The following PHRF1 variants were observed in gnomAD, a reference collection of about 807,000 sequenced individuals.
PHRF1 encodes PHD and RING finger domain-containing protein 1.
In PHRF1, 53 loss-of-function variants were observed where a neutral mutation model predicts 128.9. That is an observed-to-expected ratio of 0.41 (90% CI 0.33 to 0.52). The LOEUF is 0.52. Among genes scored for constraint, PHRF1 ranks in the 20% least tolerant of loss-of-function variants. The probability of loss-of-function intolerance (pLI) is 0.21; values close to 1 mark genes in which losing one functional copy is unlikely to be tolerated. For synonymous variants in PHRF1, 1,178 were observed against 980.6 expected, an observed-to-expected ratio of 1.20 and a Z score of -3.76; for missense variants, 2,503 against 2,284.5, an observed-to-expected ratio of 1.10 and a Z score of -1.95.
At position 607,373 on chromosome 11, in the gene PHRF1, C is replaced by G. The variant is rs200203047; in HGVS notation, c.1917C>G (p.Thr639=). ...GGTTCAACGGCACCAACAAGCACAC[C>G]TTGCCCCTTGCCTCTGCCGCGTCTA... is the stretch of plus-strand genomic sequence containing the variant. ...SPWFNGTNKH[T]LPLASAASKI... is the part of the protein sequence containing the mutation. The change falls in exon 14 of 18, where the codon ACC becomes ACG. Residue 639 remains threonine, a synonymous_variant. Coordinates refer to ENST00000264555, the MANE Select transcript of PHRF1 (RefSeq NM_001286581.2). The G allele has an allele frequency of 2.2e-5, 36 of 1,612,832 alleles. No individual in the cohort carries two copies. The East Asian group carries it at 7.6e-4, about 34-fold the overall frequency.
intron 11 of PHRF1, 112 bp from the exon 12 acceptor site, chr11:605,493 G>C: frequency 6.6e-7 from 1 of 1,519,296 alleles, no homozygotes; most frequent in Non-Finnish European, 8.9e-7. Context: ...CGAATCACAC[G>C]TGCCGCCACA....
intron 4 of PHRF1, among the ~76,000 whole-genome samples, chr11:588,560 G>T (rs1043709270): frequency 6.6e-6 from 1 of 151,826 alleles, no homozygotes; most frequent in Non-Finnish European, 1.5e-5. Context: ...TGTATTTTTA[G>T]TAGAGACAGG....
rs774792570 is a variant in PHRF1 at position 607,826 on chromosome 11, G to A, written c.2370G>A (p.Gln790=). 2.5e-6 allele frequency: 4 copies of A among 1,612,688 alleles called. No individual in the cohort carries two copies. Among genetic ancestry groups the A allele is most frequent in the Non-Finnish European group, 2.5e-6 (3 of 1,179,896 alleles). The change falls in exon 14 of 18, where the codon CAG becomes CAA. Residue 790 remains glutamine (Q), a synonymous_variant. Transcript: ENST00000264555. ...CTGGAAACATGGCACATTCCAGCCA[G>A]CTCTCCAGCCCTGGCTTCTGTAACA... ...NIPGNMAHSS[Q]LSSPGFCNTF...
rs1856067104 is a variant in PHRF1, at chr11:608,075, G to C, written c.2619G>C (p.Val873=). 1 of 1,611,550 alleles carries C rather than the reference G, an allele frequency of 6.2e-7. No individual in the cohort carries two copies. The highest frequency in any genetic ancestry group is 2.2e-5 in the East Asian group (1 of 44,874). The change falls in exon 14 of 18, where the codon GTG becomes GTC. Residue 873 remains valine (V), a synonymous_variant. Coordinates refer to ENST00000264555, the MANE Select transcript of PHRF1 (RefSeq NM_001286581.2). The stretch of plus-strand genomic sequence containing the variant: ...TCAACAGCCCGAAGGCCCAGACGGT[G>C]CAGGCTGTGCGCTGCGTCACCTCCT... ...ISINSPKAQT[V]QAVRCVTSYT...
Position 609,423 on chromosome 11 carries a change from G to T in PHRF1, c.3967G>T (p.Val1323Leu). The T allele has an allele frequency of 1.2e-6, 2 of 1,609,274 alleles. No individual in the cohort carries two copies. Among genetic ancestry groups the T allele is most frequent in the Non-Finnish European group, 1.7e-6 (2 of 1,179,818 alleles). The change falls in exon 14 of 18, where the codon GTG becomes TTG. Residue 1323 changes from valine (V) to leucine (L), a missense_variant. Val to Leu is a conservative substitution (Grantham distance 32, BLOSUM62 1). Transcript: ENST00000264555. ...GGCCGTGGCCGCCATCCAGAGGGAG[G>T]TGTCATTGATGCACGATGAAGACCC... ...SLAVAAIQRE[V>L]SLMHDEDPSQ... is the part of the protein sequence containing the mutation.
rs1856314892 is a variant in PHRF1 at position 610,639 on chromosome 11, G to A, written c.4555G>A (p.Ala1519Thr). The A allele has an allele frequency of 6.2e-7, 1 of 1,604,926 alleles. No homozygotes were observed. Among genetic ancestry groups the A allele is most frequent in the Non-Finnish European group, 8.5e-7 (1 of 1,179,818 alleles). Reference protein sequence around the residue: ...LVGCGAAQTLAPVPAALTPAS... With the variant: ...LVGCGAAQTLTPVPAALTPAS... ...GGGCTGTGGGGCAGCACAGACCCTGGCCCCAGTGCCCGCTGCCCTGACCCC... is the reference window on the plus strand; with the variant it reads ...GGGCTGTGGGGCAGCACAGACCCTGACCCCAGTGCCCGCTGCCCTGACCCC... The change falls in exon 16 of 18, where the codon GCC becomes ACC. Residue 1519 changes from alanine (A) to threonine (T), a missense_variant. By Grantham distance (58) the Ala-to-Thr change is moderately conservative (BLOSUM62 0). Transcript: ENST00000264555.
Position 586,611 on chromosome 11 carries a change from A to G in PHRF1, c.215-648A>G, listed in dbSNP as rs144980548. Among the ~76,000 whole-genome samples the G allele has an allele frequency of 3.4e-3, 525 of 152,312 alleles. 2 individuals are homozygous for G. Among genetic ancestry groups the G allele is most frequent in the African/African-American group, 0.012 (502 of 41,560 alleles). On this transcript the variant is annotated intron_variant, in intron 3 of 17. Coordinates refer to ENST00000264555, the MANE Select transcript of PHRF1 (RefSeq NM_001286581.2). The stretch of plus-strand genomic sequence containing the variant: ...CGTTGTTTCATTGGAGTTTGGTACA[A>G]AGAAGATAGCAGTGCACGTATGGGC...
At chr11:581,066 C>T (rs1199651959) in intron 1 of PHRF1, among the ~76,000 whole-genome samples, 1 of 152,080 alleles carries the variant, frequency 6.6e-6, no homozygotes, top group Non-Finnish European at 1.5e-5. Flanking sequence ...TCAGGTGATC[C>T]GCCCGCCTCA....
At chr11:587,189 C>T in intron 3 of PHRF1, 70 bp from the exon 4 acceptor site, 1 of 1,487,884 alleles carries the variant, frequency 6.7e-7, no homozygotes, top group African/African-American at 1.4e-5. Flanking sequence ...CAGCCTGGGC[C>T]CGCTTGCCTC....
At chr11:579,238 C>G (rs540381813) in intron 1 of PHRF1, among the ~76,000 whole-genome samples, 1 of 150,850 alleles carries the variant, frequency 6.6e-6, no homozygotes, top group African/African-American at 2.5e-5. Context: ...CCCTGCTCCT[C>G]CCCCCAGCCC....
chr11:598,320 T>C, intron 8 of PHRF1, 53 bp from the exon 9 acceptor site: 1 of 1,584,662 alleles, frequency 6.3e-7, no homozygotes, highest in Non-Finnish European at 8.5e-7. Flanking sequence ...GGGTCTGTGC[T>C]GGACCGGCTG....
intron 6 of PHRF1, 21 bp downstream of exon 6, chr11:592,695 G>A (rs371082411): frequency 8.2e-5 from 132 of 1,612,280 alleles, no homozygotes; most frequent in Non-Finnish European, 1.1e-4. Flanking sequence ...GTTGGGACTG[G>A]CACACGTGCC....
intron 4 of PHRF1, among the ~76,000 whole-genome samples, chr11:589,530 G>A (rs1310475987): frequency 6.6e-6 from 1 of 151,946 alleles, no homozygotes; most frequent in East Asian, 1.9e-4. Flanking sequence ...ATGGAAACCA[G>A]TCCCAGGGGT....
chr11:593,291 T>C (rs983992159), intron 6 of PHRF1, among the ~76,000 whole-genome samples: 14 of 152,264 alleles, frequency 9.2e-5, no homozygotes, highest in African/African-American at 3.4e-4. Context: ...TGTGAAATTA[T>C]GGAGAGAGGA....
At chr11:586,458 TGCTGGCAGGGTCC>T (rs1298681321) in intron 3 of PHRF1, among the ~76,000 whole-genome samples, 2 of 152,236 alleles carry the variant, frequency 1.3e-5, no homozygotes, top group African/African-American at 2.4e-5. Context: ...GATGCCCCAG[TGCTGGCAGGGTCC>T]TGCCCACATG....
intron 5 of PHRF1, 123 bp from the exon 6 acceptor site, chr11:592,436 C>T: frequency 2.2e-6 from 2 of 906,606 alleles, no homozygotes; most frequent in Admixed American, 1.8e-5. Flanking sequence ...ACCCTCTGGG[C>T]CTGTGGAGCC....
Position 611,906 on chromosome 11 carries a change from A to G in PHRF1, c.*129A>G, listed in dbSNP as rs1181666567. The G allele has an allele frequency of 7.0e-7, 1 of 1,422,118 alleles. No individual in the cohort carries two copies. Among genetic ancestry groups the G allele is most frequent in the Non-Finnish European group, 9.3e-7 (1 of 1,073,474 alleles). The allele number at this position is 1,422,118 out of a possible 1,614,324, so 88.1% of individuals were successfully genotyped here. ...GGGGAGCTGTCGGGAGTGGCGGGAA[A>G]TGGGGGGCATCACCATGCCTGCCGT... On this transcript the variant is annotated 3_prime_UTR_variant, in exon 18 of 18. Coordinates refer to ENST00000264555, the MANE Select transcript of PHRF1 (RefSeq NM_001286581.2).
Position 591,439 on chromosome 11 carries a change from C to T in PHRF1, c.476C>T (p.Ala159Val), listed in dbSNP as rs1195376258. ...RTLFKCICIR[A>V]QFGGKILRKI... ...CTATTTAAGTGCATTTGTATTCGAG[C>T]TCAATTTGGTGGTAAAATCTTAAGA... Residue 159 changes from alanine to valine, a missense_variant, in exon 5 of 18, where the codon GCT (alanine) becomes GTT (valine). Transcript: ENST00000264555. 2.5e-6 allele frequency: 4 copies of T among 1,609,480 alleles called. No homozygotes were observed. The African/African-American group carries it at 5.4e-5, about 22-fold the overall frequency.
In PHRF1 at chr11:612,125, G is replaced by A; in HGVS notation, c.*348G>A. 1 of 355,962 alleles carries A rather than the reference G, an allele frequency of 2.8e-6. No individual in the cohort carries two copies. The highest frequency in any genetic ancestry group is 5.1e-6 in the Non-Finnish European group (1 of 195,210). The allele number at this position is 355,962 out of a possible 1,614,324, so 22.1% of individuals were successfully genotyped here. ...GTGATCAAGAGGGGCTCCTGGTGGG[G>A]TGGCGCGTCCTTGATAAATCTCTAG... On this transcript the variant is annotated 3_prime_UTR_variant, in exon 18 of 18. Coordinates refer to ENST00000264555, the MANE Select transcript of PHRF1 (RefSeq NM_001286581.2).
Sources: gnomAD v4.1 joint callset for allele counts (sites outside exome capture counted in the v4.1 genomes callset) on GRCh38, gnomAD v4.1.1 for gene constraint, MANE v1.5 for transcripts, NCBI Gene and HGNC (gene_info 2026-07-23, HGNC 2026-07-21) for gene names.